TNKS: variants seen among roughly 807,000 people sequenced by gnomAD.
The protein encoded by TNKS is poly [ADP-ribose] polymerase tankyrase-1.
Under a neutral mutation model 135.8 loss-of-function variants are expected in TNKS, and 72 were observed. That is an observed-to-expected ratio of 0.53 (90% confidence interval 0.44 to 0.64). The LOEUF is 0.64. TNKS is among the 30% of genes least tolerant of loss of function. TNKS has a pLI of 0.00. For missense variants in TNKS, 1,769 were observed against 1,674.0 expected, an observed-to-expected ratio of 1.06 and a Z score of -0.99; for synonymous variants, 849 against 649.3, an observed-to-expected ratio of 1.31 and a Z score of -4.68.
intron 1 of TNKS, among the ~76,000 whole-genome samples, chr8:9,577,086 C>G (rs759864025): frequency 1.3e-5 from 2 of 151,600 alleles, no homozygotes; most frequent in Non-Finnish European, 2.9e-5. Context: ...AAGCAAATAT[C>G]TGAACTGAAA....
rs1211833579 is a variant in TNKS, at chr8:9,706,234, T to G, written c.1250T>G (p.Val417Gly). ...GCATGTTCATATGGACATTATGAAGTCACAGAACTGCTACTAAAGGTAAGA... is the reference window on the plus strand; with the variant it reads ...GCATGTTCATATGGACATTATGAAGGCACAGAACTGCTACTAAAGGTAAGA... ...HNACSYGHYEVTELLLKHGAC... is the reference protein window; with the variant it reads ...HNACSYGHYEGTELLLKHGAC... Residue 417 changes from valine (V) to glycine (G), a missense_variant, in exon 7 of 27, where the codon GTC (valine) becomes GGC (glycine). By Grantham distance (109) the Val-to-Gly change is moderately radical. This residue lies in a region of TNKS where 523 missense variants were observed against 541.0 expected (regional missense o/e 0.97). Coordinates refer to ENST00000310430, the MANE Select transcript of TNKS (RefSeq NM_003747.3). 1 of 1,575,526 alleles carries G rather than the reference T, an allele frequency of 6.3e-7. No individual in the cohort carries two copies. Among genetic ancestry groups the G allele is most frequent in the Non-Finnish European group, 8.6e-7 (1 of 1,164,506 alleles).
chr8:9,569,362 A>T (rs1046264148), intron 1 of TNKS, among the ~76,000 whole-genome samples: 1 of 152,188 alleles, frequency 6.6e-6, no homozygotes, highest in Admixed American at 6.5e-5. Flanking sequence ...CAAGAATCAG[A>T]ACATTATCTG....
chr8:9,665,215 A>T (rs1801931801), intron 3 of TNKS, among the ~76,000 whole-genome samples: 1 of 152,166 alleles, frequency 6.6e-6, no homozygotes, highest in Admixed American at 6.5e-5. Context: ...TTCCTGTCAA[A>T]CTAGCTTCAA....
At chr8:9,620,862 C>T (rs1799840852) in intron 3 of TNKS, among the ~76,000 whole-genome samples, 1 of 152,120 alleles carries the variant, frequency 6.6e-6, no homozygotes, top group Non-Finnish European at 1.5e-5. Context: ...TGTTATTTGT[C>T]CCAGTAGAAT....
At chr8:9,731,056 G>A (rs765141845) in intron 14 of TNKS, 21 bp downstream of exon 14, 2 of 1,551,556 alleles carry the variant, frequency 1.3e-6, no homozygotes, top group Non-Finnish European at 8.7e-7. Flanking sequence ...GAAGTTAGCT[G>A]TTTGGGAGTC....
At chr8:9,597,233 A>G (rs7815378) in intron 2 of TNKS, among the ~76,000 whole-genome samples, 17,812 of 152,204 alleles carry the variant, frequency 0.12, 1,339 homozygotes, top group African/African-American at 0.22. Context: ...TAAAATTTTT[A>G]TGGGAAGTTA....
rs569042328 is a variant in TNKS at position 9,735,757 on chromosome 8, G to A, written c.2643+271G>A. Among the ~76,000 whole-genome samples, 9 of 152,052 alleles carry A rather than the reference G, an allele frequency of 5.9e-5. No individual in the cohort carries two copies. The South Asian group carries it at 6.2e-4, about 11-fold the overall frequency. On this transcript the variant is annotated intron_variant, in intron 17 of 26. Transcript: ENST00000310430. ...GGAGCTTGCAGTGAGCCCAGATCGCGCCACTGCACTCCAGCCTGGGTGACA... is the reference window on the plus strand; with the variant it reads ...GGAGCTTGCAGTGAGCCCAGATCGCACCACTGCACTCCAGCCTGGGTGACA...
At chr8:9,589,700 T>A (rs1410355430) in intron 2 of TNKS, among the ~76,000 whole-genome samples, 1 of 152,220 alleles carries the variant, frequency 6.6e-6, no homozygotes, top group Non-Finnish European at 1.5e-5. Flanking sequence ...GAGAGTAAAT[T>A]GATATAGCGG....
At chr8:9,568,215 G>A (rs966151756) in intron 1 of TNKS, among the ~76,000 whole-genome samples, 2 of 152,152 alleles carry the variant, frequency 1.3e-5, no homozygotes, top group Non-Finnish European at 2.9e-5. Context: ...AACATTCACT[G>A]GGGCAATTCC....
chr8:9,557,389 C>T (rs1045936871), intron 1 of TNKS: 1 of 145,372 alleles, frequency 6.9e-6, no homozygotes, highest in Non-Finnish European at 1.5e-5. Flanking sequence ...CTCTGGACCC[C>T]ACACTTGTCT....
intron 3 of TNKS, among the ~76,000 whole-genome samples, chr8:9,616,258 A>G (rs1454305766): frequency 6.6e-6 from 1 of 152,230 alleles, no homozygotes; most frequent in Non-Finnish European, 1.5e-5. Context: ...AGCAAATGCC[A>G]AGAACCAGCA....
intron 20 of TNKS, among the ~76,000 whole-genome samples, chr8:9,753,703 C>G (rs1806675595): frequency 6.6e-6 from 1 of 151,994 alleles, no homozygotes; most frequent in Non-Finnish European, 1.5e-5. Context: ...TAGGGATCAC[C>G]CTTGTATAAT....
intron 20 of TNKS, among the ~76,000 whole-genome samples, chr8:9,758,927 C>CTCA (rs1247267221): frequency 6.6e-6 from 1 of 152,208 alleles, no homozygotes; most frequent in African/African-American, 2.4e-5. Flanking sequence ...GGGTCAGTAT[C>CTCA]TCATCTAAAG....
intron 5 of TNKS, among the ~76,000 whole-genome samples, chr8:9,696,925 A>G (rs934862978): frequency 5.3e-5 from 8 of 152,180 alleles, no homozygotes; most frequent in African/African-American, 1.9e-4. Flanking sequence ...AATCAACATC[A>G]TTCTTCAAAA....
At position 9,674,976 on chromosome 8, in the gene TNKS, T is replaced by G. The variant is rs936461659; in HGVS notation, c.995-4975T>G. 3.9e-5 allele frequency among the ~76,000 whole-genome samples: 6 copies of G among 152,320 alleles called. No homozygotes were observed. The South Asian group carries it at 8.3e-4, about 21-fold the overall frequency. ...AGTACAAAGAAGGCATTGAGAGCTG[T>G]GATAACTTTGTAATTTACCCCAGTT... On this transcript the variant is annotated intron_variant, in intron 3 of 26. Coordinates refer to ENST00000310430, the MANE Select transcript of TNKS (RefSeq NM_003747.3).
At chr8:9,692,846 T>G (rs1220741884) in intron 5 of TNKS, among the ~76,000 whole-genome samples, 1 of 152,206 alleles carries the variant, frequency 6.6e-6, no homozygotes, top group Admixed American at 6.5e-5. Flanking sequence ...TGGTACTACT[T>G]AAAAATCCCT....
chr8:9,740,415 A>G (rs571188801), intron 17 of TNKS, among the ~76,000 whole-genome samples: 8 of 152,208 alleles, frequency 5.3e-5, no homozygotes, highest in African/African-American at 9.6e-5. Flanking sequence ...CTTGATTACC[A>G]TATTCTTCCT....
intron 3 of TNKS, among the ~76,000 whole-genome samples, chr8:9,622,391 T>C (rs1267146063): frequency 6.6e-6 from 1 of 152,222 alleles, no homozygotes; most frequent in African/African-American, 2.4e-5. Context: ...AATCCTCCTT[T>C]GATCCAGGTG....
At chr8:9,751,911 T>G in intron 19 of TNKS, 65 bp downstream of exon 19, 1 of 1,457,490 alleles carries the variant, frequency 6.9e-7, no homozygotes, top group East Asian at 2.3e-5. Context: ...ATGACTTTTT[T>G]CTATTGATAA....
Sources: gnomAD v4.1 joint callset for allele counts (sites outside exome capture counted in the v4.1 genomes callset) on GRCh38, gnomAD v4.1.1 for gene constraint, gnomAD v4.1.1 regional missense constraint, MANE v1.5 for transcripts, NCBI Gene and HGNC (gene_info 2026-07-23, HGNC 2026-07-21) for gene names.